Variants in GALNT10 observed in about 807,000 individuals in gnomAD.
The protein encoded by GALNT10 is GalNAc transferase 10.
In GALNT10, 41 loss-of-function variants were observed where a neutral mutation model predicts 75.0. That is an observed-to-expected ratio of 0.55 (90% CI 0.43 to 0.71). GALNT10 has a LOEUF of 0.71. Ranked by LOEUF, GALNT10 falls within the 30% of genes least tolerant of loss-of-function variation. The pLI is 0.00. For synonymous variants in GALNT10, 302 were observed against 313.0 expected (o/e 0.96, Z 0.37); for missense variants, 727 against 818.5 (o/e 0.89, Z 1.36).
intron 1 of GALNT10, among the ~76,000 whole-genome samples, chr5:154,222,097 T>TGCCC (rs1752988388): frequency 6.6e-6 from 1 of 152,118 alleles, no homozygotes; most frequent in Admixed American, 6.5e-5. Context: ...CTCCAAAAGG[T>TGCCC]TCTTTGTGCC....
chr5:154,327,778 T>A, intron 3 of GALNT10, among the ~76,000 whole-genome samples: 1 of 152,220 alleles, frequency 6.6e-6, no homozygotes, highest in Non-Finnish European at 1.5e-5. Context: ...AGAATTAGAA[T>A]GTAATCGTTT....
chr5:154,348,438 G>A (rs1755160252), intron 4 of GALNT10, among the ~76,000 whole-genome samples: 1 of 152,148 alleles, frequency 6.6e-6, no homozygotes, highest in Non-Finnish European at 1.5e-5. Context: ...TTTGACACCT[G>A]CTTCTCTATG....
chr5:154,418,808 G>C lies in GALNT10; in HGVS notation c.*1836G>C, dbSNP rs10796. The C allele has an allele frequency of 0.18, 27,005 of 152,180 alleles. 2,375 individuals are homozygous for C. Among genetic ancestry groups the C allele is most frequent in the East Asian group, 0.26 (1,328 of 5,136 alleles). 9.4% of individuals were successfully genotyped at this position (152,180 alleles called of 1,614,324 possible). A position where few individuals can be genotyped will look rare whatever the true frequency, so the allele number is the denominator to read the frequency against. ...CCTGTGCTTGCAACGCTTACGTGTT[G>C]ATCCCAGTGTCCTTTTCCAAATGAG... On this transcript the variant is annotated 3_prime_UTR_variant, in exon 12 of 12. Transcript: ENST00000297107.
At chr5:154,213,583 C>G (rs902945457) in intron 1 of GALNT10, among the ~76,000 whole-genome samples, 8 of 152,144 alleles carry the variant, frequency 5.3e-5, no homozygotes, top group African/African-American at 1.4e-4. Flanking sequence ...ATTCAGGATA[C>G]AAGTCTATGC....
rs563296574 is a variant in GALNT10, at chr5:154,402,194, G to A, written c.1057-1910G>A. Among the ~76,000 whole-genome samples the A allele has an allele frequency of 3.9e-5, 6 of 152,256 alleles. No individual in the cohort carries two copies. The highest frequency in any genetic ancestry group is 1.2e-4 in the African/African-American group (5 of 41,554). On this transcript the variant is annotated intron_variant, in intron 7 of 11. Coordinates refer to ENST00000297107, the MANE Select transcript of GALNT10 (RefSeq NM_198321.4). The surrounding 1 kb of genome is among the most constrained non-coding windows in gnomAD (Gnocchi z 4.2). ...CCTTGTTCTGCCCCGTGAGGGCCCT[G>A]CGGGAGCCCTGCCCGCGTCTCTGGC...
chr5:154,262,485 T>G (rs2443522), intron 1 of GALNT10, among the ~76,000 whole-genome samples: 37,193 of 152,028 alleles, frequency 0.24, 5,536 homozygotes, highest in African/African-American at 0.42. Flanking sequence ...ATTAACTCCA[T>G]CACTCAAGAC....
chr5:154,230,727 G>A (rs1382418692), intron 1 of GALNT10, among the ~76,000 whole-genome samples: 1 of 152,210 alleles, frequency 6.6e-6, no homozygotes, highest in Non-Finnish European at 1.5e-5. Context: ...GATAGGAGCT[G>A]TATGTGCCCA....
At chr5:154,413,800 A>G (rs1756449247) in intron 10 of GALNT10, among the ~76,000 whole-genome samples, 2 of 152,218 alleles carry the variant, frequency 1.3e-5, no homozygotes, top group African/African-American at 4.8e-5. Flanking sequence ...CAACAAAAAC[A>G]CAATCCATAA....
At chr5:154,243,242 T>C (rs1165131116) in intron 1 of GALNT10, among the ~76,000 whole-genome samples, 2 of 152,254 alleles carry the variant, frequency 1.3e-5, no homozygotes, top group Non-Finnish European at 2.9e-5. Flanking sequence ...GGTATCACTG[T>C]ATCCTCCCTC....
intron 3 of GALNT10, among the ~76,000 whole-genome samples, chr5:154,311,255 C>T (rs988458307): frequency 6.6e-6 from 1 of 152,200 alleles, no homozygotes; most frequent in African/African-American, 2.4e-5. Flanking sequence ...ATCGATGTAC[C>T]GGGCATTGTG....
chr5:154,400,237 C>G (rs933835016), intron 7 of GALNT10, among the ~76,000 whole-genome samples: 1 of 152,198 alleles, frequency 6.6e-6, no homozygotes, highest in African/African-American at 2.4e-5. Flanking sequence ...TTCAACAGGC[C>G]TGCTTCCAGG....
At chr5:154,236,036 A>G (rs1434431252) in intron 1 of GALNT10, among the ~76,000 whole-genome samples, 7 of 152,188 alleles carry the variant, frequency 4.6e-5, no homozygotes, top group Non-Finnish European at 1.0e-4. Flanking sequence ...CTTGTGCACA[A>G]TGATGTTTTG....
intron 6 of GALNT10, among the ~76,000 whole-genome samples, chr5:154,381,233 C>T (rs999641634): frequency 6.6e-6 from 1 of 152,156 alleles, no homozygotes; most frequent in Non-Finnish European, 1.5e-5. Context: ...ATGGGCTGGA[C>T]TCACAGCATC....
rs1004660485 is a variant in GALNT10 at position 154,298,784 on chromosome 5, T to C, written c.401+705T>C. The stretch of plus-strand genomic sequence containing the variant: ...TTTTCAGTAAGGGTCATTGTGGTGA[T>C]GATGGTGATTTTCTGGTAGAGCCGT... On this transcript the variant is annotated intron_variant, in intron 3 of 11. Coordinates refer to ENST00000297107, the MANE Select transcript of GALNT10 (RefSeq NM_198321.4). The surrounding 1 kb of genome is among the most constrained non-coding windows in gnomAD (Gnocchi z 4.1). Among the ~76,000 whole-genome samples the C allele has an allele frequency of 4.6e-5, 7 of 152,184 alleles. No homozygotes were observed. Among genetic ancestry groups the C allele is most frequent in the Admixed American group, 2.6e-4 (4 of 15,280 alleles).
intron 7 of GALNT10, chr5:154,386,659 A>C (rs1400348233): frequency 1.7e-6 from 1 of 596,480 alleles, no homozygotes; most frequent in African/African-American, 1.9e-5. Flanking sequence ...GCTGGTCCTC[A>C]CCACAGCTCT....
At chr5:154,415,527 C>T (rs376902528) in intron 10 of GALNT10, among the ~76,000 whole-genome samples, 1 of 152,036 alleles carries the variant, frequency 6.6e-6, no homozygotes, top group Non-Finnish European at 1.5e-5. Flanking sequence ...TTAGTAGAGA[C>T]GGGGTTTCAC....
At chr5:154,335,524 C>T (rs1322351239) in intron 4 of GALNT10, among the ~76,000 whole-genome samples, 4 of 152,160 alleles carry the variant, frequency 2.6e-5, no homozygotes, top group Admixed American at 2.6e-4. Flanking sequence ...GCAGGACAAG[C>T]ACAGGCTGGG....
At chr5:154,378,619 C>A (rs919567473) in intron 5 of GALNT10, among the ~76,000 whole-genome samples, 4 of 152,168 alleles carry the variant, frequency 2.6e-5, no homozygotes, top group Non-Finnish European at 5.9e-5. Flanking sequence ...CTCACAGAGG[C>A]CCCATGAGAT....
intron 9 of GALNT10, among the ~76,000 whole-genome samples, chr5:154,411,840 G>A (rs1756403732): frequency 2.0e-5 from 3 of 152,216 alleles, no homozygotes; most frequent in African/African-American, 7.2e-5. Flanking sequence ...GAAAAATGAA[G>A]ACACCTGGGG....
Sources: allele counts gnomAD v4.1 joint callset (sites outside exome capture counted in the v4.1 genomes callset), GRCh38; gene constraint gnomAD v4.1.1; non-coding constraint Gnocchi (gnomAD v3.1); transcripts MANE v1.5; gene names NCBI Gene and HGNC (gene_info 2026-07-23, HGNC 2026-07-21).